ADAMTS3: variants seen among roughly 807,000 people sequenced by gnomAD.
The protein encoded by ADAMTS3 is ADAM metallopeptidase with thrombospondin type 1 motif 3.
A neutral mutation model predicts 129.0 loss-of-function variants in ADAMTS3; 73 were observed. The observed-to-expected ratio is 0.57, with a 90% CI of 0.47 to 0.69. The LOEUF is 0.69. Ranked by LOEUF, ADAMTS3 falls within the 30% of genes least tolerant of loss-of-function variation. The pLI is 0.00. For missense variants in ADAMTS3, 1,457 were observed against 1,514.5 expected, an observed-to-expected ratio of 0.96 and a Z score of 0.63; for synonymous variants, 477 against 510.8, an observed-to-expected ratio of 0.93 and a Z score of 0.89.
chr4:72,307,631 C>A (rs1284538141), intron 15 of ADAMTS3, among the ~76,000 whole-genome samples: 1 of 151,880 alleles, frequency 6.6e-6, no homozygotes, highest in Non-Finnish European at 1.5e-5. Flanking sequence ...GTGTTGAAGT[C>A]ACAATGCATT....
At chr4:72,401,310 T>C (rs1721908183) in intron 4 of ADAMTS3, among the ~76,000 whole-genome samples, 1 of 151,614 alleles carries the variant, frequency 6.6e-6, no homozygotes, top group Non-Finnish European at 1.5e-5. Context: ...CTCACACCTG[T>C]AATCCCAGCA....
rs553676974 is a variant in ADAMTS3 at position 72,506,165 on chromosome 4, C to T, written c.504+42313G>A. ...GTATAGAGCAAAGAGGGCTCCACTG[C>T]ACTACGATCTATGCACAGGAAAAGT... On this transcript the variant is annotated intron_variant, in intron 3 of 21. Transcript: ENST00000286657. Among the ~76,000 whole-genome samples, 36 of 152,268 alleles carry T rather than the reference C, an allele frequency of 2.4e-4. 1 individual carries two copies. Among genetic ancestry groups the T allele is most frequent in the Middle Eastern group, 6.8e-3 (2 of 294 alleles).
At chr4:72,457,711 A>G (rs931098108) in intron 3 of ADAMTS3, among the ~76,000 whole-genome samples, 2 of 151,714 alleles carry the variant, frequency 1.3e-5, no homozygotes, top group African/African-American at 4.8e-5. Context: ...TCTAAGGTAG[A>G]AAGATTCCAC....
At chr4:72,457,693 G>C (rs1718661392) in intron 3 of ADAMTS3, among the ~76,000 whole-genome samples, 1 of 151,642 alleles carries the variant, frequency 6.6e-6, no homozygotes, top group African/African-American at 2.4e-5. Flanking sequence ...CAGCTAACCA[G>C]TGGCAGGTCT....
intron 3 of ADAMTS3, among the ~76,000 whole-genome samples, chr4:72,511,942 C>T (rs115392472): frequency 1.1e-4 from 16 of 152,182 alleles, no homozygotes; most frequent in Admixed American, 3.9e-4. Flanking sequence ...TAAAAAAGAA[C>T]GAGAGCTTGT....
rs1235906094 is a variant in ADAMTS3 at position 72,427,149 on chromosome 4, C to A, written c.505-12178G>T. On this transcript the variant is annotated intron_variant, in intron 3 of 21. Transcript: ENST00000286657. ...GGACAATTTCCAAAAGCTCTGAATG[C>A]ACTGGTACTATTCTCTTTCAACCTA... Among the ~76,000 whole-genome samples the A allele has an allele frequency of 2.0e-5, 3 of 152,212 alleles. No homozygotes were observed. The East Asian group carries it at 5.8e-4, about 30-fold the overall frequency.
At chr4:72,567,523 G>C in intron 1 of ADAMTS3, 122 bp from the exon 2 acceptor site, 1 of 956,314 alleles carries the variant, frequency 1.0e-6, no homozygotes, top group South Asian at 1.6e-5. Flanking sequence ...GCTAGAGACT[G>C]GGATTGGTGC....
intron 4 of ADAMTS3, among the ~76,000 whole-genome samples, chr4:72,410,675 A>AT (rs577043586): frequency 3.3e-5 from 5 of 152,114 alleles, no homozygotes; most frequent in Non-Finnish European, 7.4e-5. Flanking sequence ...GCAGGGGTAT[A>AT]TTTTTTTACA....
chr4:72,528,521 T>TAAA (rs11324929), intron 3 of ADAMTS3, among the ~76,000 whole-genome samples: 5 of 89,672 alleles, frequency 5.6e-5, no homozygotes, highest in Admixed American at 1.3e-4. Flanking sequence ...AAGTGAAAAC[T>TAAA]AAAAAAAAAA....
At chr4:72,335,505 A>T (rs1173637677) in intron 5 of ADAMTS3, among the ~76,000 whole-genome samples, 2 of 152,144 alleles carry the variant, frequency 1.3e-5, no homozygotes, top group Non-Finnish European at 2.9e-5. Context: ...TTCTCATTAC[A>T]CTTAAATTAT....
At chr4:72,544,681 A>G (rs1721421492) in intron 3 of ADAMTS3, among the ~76,000 whole-genome samples, 1 of 152,208 alleles carries the variant, frequency 6.6e-6, no homozygotes, top group South Asian at 2.1e-4. Flanking sequence ...GTGCTCAAGC[A>G]ATATTTTCAC....
intron 3 of ADAMTS3, among the ~76,000 whole-genome samples, chr4:72,427,632 C>T (rs959907583): frequency 6.6e-6 from 1 of 151,658 alleles, no homozygotes; most frequent in Non-Finnish European, 1.5e-5. Context: ...AGGAAAAAAA[C>T]AGAGACAAAA....
At chr4:72,477,147 C>T (rs1243166735) in intron 3 of ADAMTS3, among the ~76,000 whole-genome samples, 1 of 151,694 alleles carries the variant, frequency 6.6e-6, no homozygotes, top group Non-Finnish European at 1.5e-5. Context: ...ACTCTCAGCA[C>T]TTTTACTCAA....
intron 3 of ADAMTS3, among the ~76,000 whole-genome samples, chr4:72,542,370 T>C (rs1721355733): frequency 6.6e-6 from 1 of 152,012 alleles, no homozygotes; most frequent in Non-Finnish European, 1.5e-5. Flanking sequence ...TTCACCACGT[T>C]AGCCAGGATG....
intron 2 of ADAMTS3, among the ~76,000 whole-genome samples, chr4:72,565,109 T>C (rs911535911): frequency 2.0e-5 from 3 of 152,188 alleles, no homozygotes; most frequent in Non-Finnish European, 4.4e-5. Context: ...CCTACATCTA[T>C]ACTACACTTC....
At chr4:72,322,311 T>C (rs1719576755) in intron 6 of ADAMTS3, among the ~76,000 whole-genome samples, 1 of 152,224 alleles carries the variant, frequency 6.6e-6, no homozygotes, top group Admixed American at 6.5e-5. Context: ...TATTTCATAA[T>C]CAGGAGGATT....
chr4:72,391,368 A>G (rs1008124861), intron 4 of ADAMTS3, among the ~76,000 whole-genome samples: 1 of 152,116 alleles, frequency 6.6e-6, no homozygotes, highest in Middle Eastern at 3.4e-3. Flanking sequence ...GAGGAAAAGG[A>G]GAGTGTTTTT....
intron 4 of ADAMTS3, among the ~76,000 whole-genome samples, chr4:72,389,532 A>C (rs56343689): frequency 0.18 from 26,919 of 149,526 alleles, 3,697 homozygotes; most frequent in African/African-American, 0.34. Flanking sequence ...AAAAAAACAA[A>C]AAAAAAAAAT....
At chr4:72,440,323 A>C (rs909245339) in intron 3 of ADAMTS3, among the ~76,000 whole-genome samples, 4 of 151,838 alleles carry the variant, frequency 2.6e-5, no homozygotes, top group Non-Finnish European at 4.4e-5. Context: ...TAAATTGCTC[A>C]ATAGCAAAAA....
Sources: allele counts gnomAD v4.1 joint callset (sites outside exome capture counted in the v4.1 genomes callset), GRCh38; gene constraint gnomAD v4.1.1; transcripts MANE v1.5; gene names NCBI Gene and HGNC (gene_info 2026-07-23, HGNC 2026-07-21).